Variants in PRMT8 observed in about 807,000 individuals in gnomAD.
PRMT8 encodes the protein protein arginine N-methyltransferase 8.
In PRMT8, 7 loss-of-function variants were observed where a neutral mutation model predicts 47.1. The observed-to-expected ratio is 0.15, with a 90% confidence interval of 0.08 to 0.28. PRMT8 has a LOEUF of 0.28. Among genes scored for constraint, PRMT8 ranks in the 10% least tolerant of loss-of-function variants. The pLI is 1.00. For missense variants in PRMT8, 237 were observed against 505.4 expected, an observed-to-expected ratio of 0.47 and a Z score of 5.09; for synonymous variants, 188 against 186.5, an observed-to-expected ratio of 1.01 and a Z score of -0.07.
rs1244767016 is a variant in PRMT8, at chr12:3,436,386, T to G, written c.48+54944T>G. On this transcript the variant is annotated intron_variant, in intron 1 of 9. Transcript: ENST00000452611. The surrounding 1 kb of genome is among the most constrained non-coding windows in gnomAD (Gnocchi z 4.2). ...TGAAAGGCAAAAGCTCCTCATCTTT[T>G]CAGCACCAGCAGCCCCAGGTAAGCC... Among the ~76,000 whole-genome samples the G allele has an allele frequency of 6.6e-6, 1 of 152,226 alleles. No homozygotes were observed. The highest frequency in any genetic ancestry group is 2.4e-5 in the African/African-American group (1 of 41,462).
Position 3,552,487 on chromosome 12 carries a change from C to G in PRMT8, c.418-1164C>G. The G allele has an allele frequency of 3.4e-6, 1 of 291,940 alleles. No individual in the cohort carries two copies. The highest frequency in any genetic ancestry group is 6.9e-6 in the Non-Finnish European group (1 of 144,666). The allele number at this position is 291,940 out of a possible 1,614,324, so 18.1% of individuals were successfully genotyped here. ...CAGGCCTGGCTCCGGGTCGCATGCT[C>G]CTCATCACTCAACATGGTCGCCTCT... On this transcript the variant is annotated intron_variant, in intron 3 of 9. Coordinates refer to ENST00000382622, the MANE Select transcript of PRMT8 (RefSeq NM_019854.5). The surrounding 1 kb of genome is among the most constrained non-coding windows in gnomAD (Gnocchi z 4.5).
intron 1 of PRMT8, among the ~76,000 whole-genome samples, chr12:3,389,815 A>G (rs1269652740): frequency 6.6e-6 from 1 of 152,232 alleles, no homozygotes; most frequent in East Asian, 1.9e-4. Context: ...TAGTCTTCCC[A>G]GAGGAAAGAG....
At chr12:3,565,798 C>A (rs1358579577) in intron 4 of PRMT8, among the ~76,000 whole-genome samples, 1 of 152,154 alleles carries the variant, frequency 6.6e-6, no homozygotes, top group Non-Finnish European at 1.5e-5. Flanking sequence ...AGCAGTAACT[C>A]TCTTTGGGGG....
At chr12:3,442,597 A>T (rs1046218934) in intron 1 of PRMT8, among the ~76,000 whole-genome samples, 1 of 152,280 alleles carries the variant, frequency 6.6e-6, no homozygotes, top group African/African-American at 2.4e-5. Flanking sequence ...TGGAACGGGT[A>T]TGAGGCTAGG....
chr12:3,520,661 G>A (rs1042751771), intron 1 of PRMT8, among the ~76,000 whole-genome samples: 1 of 152,186 alleles, frequency 6.6e-6, no homozygotes, highest in African/African-American at 2.4e-5. Context: ...CAATAACTAT[G>A]CTGTCATCAA....
intron 1 of PRMT8, among the ~76,000 whole-genome samples, chr12:3,531,540 C>T (rs1565432686): frequency 6.6e-6 from 1 of 152,212 alleles, no homozygotes; most frequent in East Asian, 1.9e-4. Context: ...TCAGCACTTA[C>T]GGATCCAGGA....
intron 1 of PRMT8, among the ~76,000 whole-genome samples, chr12:3,513,098 G>C (rs113555766): frequency 6.2e-4 from 94 of 152,266 alleles, no homozygotes; most frequent in African/African-American, 2.2e-3. Context: ...GTTGCTCTGC[G>C]TCTACCATGC....
chr12:3,414,854 C>T (rs1480377708), intron 1 of PRMT8, among the ~76,000 whole-genome samples: 1 of 151,928 alleles, frequency 6.6e-6, no homozygotes, highest in East Asian at 1.9e-4. Flanking sequence ...CCTCTTGTAT[C>T]CCCACTGCTC....
chr12:3,514,396 T>C lies in PRMT8; in HGVS notation c.75+22696T>C, dbSNP rs1484876892. Among the ~76,000 whole-genome samples the C allele has an allele frequency of 6.6e-6, 1 of 152,054 alleles. No homozygotes were observed. The highest frequency in any genetic ancestry group is 1.5e-5 in the Non-Finnish European group (1 of 67,990). The stretch of plus-strand genomic sequence containing the variant: ...CACCAGATTGCTGTTGGGGTGTGGC[T>C]GGCATTCGGGCTGCAAGACGTGGTT... On this transcript the variant is annotated intron_variant, in intron 1 of 9. Coordinates refer to ENST00000382622, the MANE Select transcript of PRMT8 (RefSeq NM_019854.5). This position sits in a 1 kb window ranked among gnomAD's most constrained non-coding sequence, Gnocchi z 5.9.
At chr12:3,421,871 T>C (rs572575764) in intron 1 of PRMT8, among the ~76,000 whole-genome samples, 2 of 152,302 alleles carry the variant, frequency 1.3e-5, no homozygotes, top group South Asian at 2.1e-4. Context: ...GCTGCTGAGG[T>C]AGTTTGCAAG....
At chr12:3,553,215 C>T (rs1288204179) in intron 3 of PRMT8, 6 of 217,278 alleles carry the variant, frequency 2.8e-5, no homozygotes, top group African/African-American at 9.2e-5. Flanking sequence ...CATCCTGGCA[C>T]GCGGCTCGTT....
intron 4 of PRMT8, among the ~76,000 whole-genome samples, chr12:3,558,688 G>T (rs754063281): frequency 2.0e-5 from 3 of 152,152 alleles, no homozygotes; most frequent in Admixed American, 6.5e-5. Flanking sequence ...GGGATTGTGC[G>T]CTGGTTCCTC....
chr12:3,534,050 G>A (rs1010479427), intron 1 of PRMT8, among the ~76,000 whole-genome samples: 12 of 152,248 alleles, frequency 7.9e-5, no homozygotes, highest in Admixed American at 2.6e-4. Flanking sequence ...GGCAAGGAGG[G>A]AAGAAGGTGA....
intron 1 of PRMT8, among the ~76,000 whole-genome samples, chr12:3,537,593 A>G (rs1866140858): frequency 6.6e-6 from 1 of 152,162 alleles, no homozygotes; most frequent in African/African-American, 2.4e-5. Context: ...ATTGAAATTC[A>G]TTATTTCCCC....
intron 1 of PRMT8, among the ~76,000 whole-genome samples, chr12:3,395,101 T>A (rs966856675): frequency 1.3e-5 from 2 of 149,672 alleles, no homozygotes; most frequent in Admixed American, 6.6e-5. Flanking sequence ...TTCTTCTCGC[T>A]TTTTTTCTTT....
rs1866951516 is a variant in PRMT8, at chr12:3,576,698, G to A, written c.713-173G>A. On this transcript the variant is annotated intron_variant, in intron 6 of 9. Coordinates refer to ENST00000382622, the MANE Select transcript of PRMT8 (RefSeq NM_019854.5). This position sits in a 1 kb window ranked among gnomAD's most constrained non-coding sequence, Gnocchi z 4.0. ...GAGGTAGAAATGGAAATGGGAGTGA[G>A]CATTTGGCACATTGCAAAGTGCCCC... Among the ~76,000 whole-genome samples, 1 of 152,168 alleles carries A rather than the reference G, an allele frequency of 6.6e-6. No homozygotes were observed. The highest frequency in any genetic ancestry group is 1.5e-5 in the Non-Finnish European group (1 of 68,034).
At position 3,425,457 on chromosome 12, in the gene PRMT8, A is replaced by T. The variant is rs558430930; in HGVS notation, c.48+44015A>T. Among the ~76,000 whole-genome samples the T allele has an allele frequency of 2.7e-3, 418 of 152,344 alleles. 4 individuals carry two copies. The highest frequency in any genetic ancestry group is 9.5e-3 in the African/African-American group (394 of 41,584). On this transcript the variant is annotated intron_variant, in intron 1 of 9. Transcript: ENST00000452611. ...ATTAAAACTCTAACTGCCATTTTTT[A>T]AAATTTTCTCTTTGACACAGATAGT... is the stretch of plus-strand genomic sequence containing the variant.
At chr12:3,482,658 TACTC>T in intron 1 of PRMT8, among the ~76,000 whole-genome samples, 1 of 152,208 alleles carries the variant, frequency 6.6e-6, no homozygotes, top group South Asian at 2.1e-4. Context: ...GGCTGACAGA[TACTC>T]TGGCCTCTGG....
At chr12:3,412,507 T>A (rs1864441202) in intron 1 of PRMT8, among the ~76,000 whole-genome samples, 1 of 152,264 alleles carries the variant, frequency 6.6e-6, no homozygotes, top group Non-Finnish European at 1.5e-5. Context: ...CTTAAACACT[T>A]TTTGACTCTT....
Sources: gnomAD v4.1 joint callset for allele counts (sites outside exome capture counted in the v4.1 genomes callset) on GRCh38, gnomAD v4.1.1 for gene constraint, Gnocchi (gnomAD v3.1) non-coding constraint, MANE v1.5 for transcripts, NCBI Gene and HGNC (gene_info 2026-07-23, HGNC 2026-07-21) for gene names.